The following CPT1A variants were observed in gnomAD, a reference collection of about 807,000 sequenced individuals.
CPT1A encodes the protein carnitine palmitoyltransferase 1A, also known as carnitine O-palmitoyltransferase 1, liver isoform.
CPT1A carries 64 observed loss-of-function variants against 100.8 expected under a neutral mutation model. That is an observed-to-expected ratio of 0.63 (90% CI 0.52 to 0.78). The LOEUF is 0.78. Among genes scored for constraint, CPT1A ranks in the 30% least tolerant of loss-of-function variants. The probability of loss-of-function intolerance (pLI) is 0.00; values close to 1 mark genes in which losing one functional copy is unlikely to be tolerated. For missense variants in CPT1A, 802 were observed against 1,034.1 expected (o/e 0.78, Z 3.08); for synonymous variants, 363 against 396.0 (o/e 0.92, Z 0.99).
chr11:68,768,471 T>C (rs1248231068), intron 14 of CPT1A, among the ~76,000 whole-genome samples: 1 of 151,860 alleles, frequency 6.6e-6, no homozygotes. Flanking sequence ...AGTGGCGTGG[T>C]CTTGGCGGCT....
intron 9 of CPT1A, among the ~76,000 whole-genome samples, chr11:68,786,919 A>T (rs1210118739): frequency 1.3e-5 from 2 of 152,256 alleles, no homozygotes; most frequent in Admixed American, 1.3e-4. Context: ...AACTTGGACC[A>T]AACGGCATTT....
At chr11:68,758,304 A>G (rs1946733079) in intron 18 of CPT1A, among the ~76,000 whole-genome samples, 1 of 152,176 alleles carries the variant, frequency 6.6e-6, no homozygotes, top group African/African-American at 2.4e-5. Flanking sequence ...AGAAAACCGC[A>G]GTGAACAAAT....
chr11:68,799,799 C>T (rs1000728715), intron 5 of CPT1A, among the ~76,000 whole-genome samples: 1 of 151,668 alleles, frequency 6.6e-6, no homozygotes, highest in Non-Finnish European at 1.5e-5. Context: ...CCAAGTTGGT[C>T]TTGGCAGTCC....
intron 5 of CPT1A, 93 bp downstream of exon 5, chr11:68,803,907 C>T (rs1308478633): frequency 9.8e-7 from 1 of 1,019,910 alleles, no homozygotes; most frequent in Non-Finnish European, 1.6e-6. Flanking sequence ...GCTACTTGAG[C>T]CAAATGGCGG....
chr11:68,812,291 G>A (rs1460009246), intron 3 of CPT1A, 146 bp downstream of exon 3: 2 of 1,176,478 alleles, frequency 1.7e-6, no homozygotes, highest in African/African-American at 1.5e-5. Flanking sequence ...GCACCCAGGA[G>A]ACAGGAAGAA....
At chr11:68,795,153 G>T (rs926140419) in intron 7 of CPT1A, among the ~76,000 whole-genome samples, 12 of 152,134 alleles carry the variant, frequency 7.9e-5, no homozygotes, top group African/African-American at 2.9e-4. Flanking sequence ...ATAACTATTT[G>T]CACCAAATAC....
chr11:68,778,542 A>AT (rs1347256562), intron 12 of CPT1A, among the ~76,000 whole-genome samples: 1 of 151,938 alleles, frequency 6.6e-6, no homozygotes, highest in Non-Finnish European at 1.5e-5. Context: ...ATATATATAT[A>AT]AAAATTATCC....
chr11:68,783,265 C>T (rs1466258974), intron 10 of CPT1A, among the ~76,000 whole-genome samples: 2 of 151,850 alleles, frequency 1.3e-5, no homozygotes, highest in Non-Finnish European at 2.9e-5. Context: ...CATTAACCTA[C>T]TCATGCACCC....
At chr11:68,797,803 C>A (rs912172019) in intron 6 of CPT1A, among the ~76,000 whole-genome samples, 1 of 152,116 alleles carries the variant, frequency 6.6e-6, no homozygotes, top group Non-Finnish European at 1.5e-5. Flanking sequence ...CATGATGAAA[C>A]CCCGTCTGTA....
intron 14 of CPT1A, among the ~76,000 whole-genome samples, chr11:68,764,069 C>T (rs73519134): frequency 6.6e-6 from 1 of 152,304 alleles, no homozygotes; most frequent in African/African-American, 2.4e-5. Flanking sequence ...GGCTGATGCC[C>T]CTGAGGCTGA....
intron 1 of CPT1A, among the ~76,000 whole-genome samples, chr11:68,827,988 C>A (rs577998571): frequency 6.7e-6 from 1 of 149,716 alleles, no homozygotes; most frequent in East Asian, 2.1e-4. Flanking sequence ...TTCACTGTTG[C>A]AAACAAAGAA....
intron 12 of CPT1A, among the ~76,000 whole-genome samples, chr11:68,778,084 GT>G (rs372816851): frequency 0.044 from 6,468 of 147,438 alleles, 405 homozygotes; most frequent in African/African-American, 0.14. Context: ...AGAGCACTAT[GT>G]TTTTTTTTTT....
At chr11:68,811,820 C>CT (rs1340302597) in intron 3 of CPT1A, among the ~76,000 whole-genome samples, 1 of 151,560 alleles carries the variant, frequency 6.6e-6, no homozygotes, top group South Asian at 2.1e-4. Flanking sequence ...TATCAACAGG[C>CT]GGCAGGTGGT....
rs1333750477 is a variant in CPT1A, at chr11:68,841,109, G to A, written c.-14+666C>T. ...CCGCGAGGGCGGGCATGGGGAGGGG[G>A]ACCGGGGAGACGGACGCTGGGATGG... On this transcript the variant is annotated intron_variant, in intron 1 of 18. Coordinates refer to ENST00000265641, the MANE Select transcript of CPT1A (RefSeq NM_001876.4). The surrounding 1 kb of genome is among the most constrained non-coding windows in gnomAD (Gnocchi z 6.3). Among the ~76,000 whole-genome samples the A allele has an allele frequency of 3.3e-5, 5 of 152,258 alleles. No homozygotes were observed. The highest frequency in any genetic ancestry group is 6.5e-5 in the Admixed American group (1 of 15,288).
At chr11:68,810,910 G>A (rs760199197) in intron 3 of CPT1A, among the ~76,000 whole-genome samples, 4 of 152,036 alleles carry the variant, frequency 2.6e-5, no homozygotes, top group East Asian at 3.9e-4. Context: ...GCTTGAACCC[G>A]GGAGGCGGAG....
In CPT1A at chr11:68,757,333, C is replaced by A; in HGVS notation, c.*311G>T. On this transcript the variant is annotated 3_prime_UTR_variant, in exon 19 of 19. Coordinates refer to ENST00000265641, the MANE Select transcript of CPT1A (RefSeq NM_001876.4). ...ATTTCCATTCCACTGTGTGTGAAGC[C>A]ACAACCCTACTAATTCCTTCATTAA... The A allele has an allele frequency of 8.0e-7, 1 of 1,247,918 alleles. No individual in the cohort carries two copies. The highest frequency in any genetic ancestry group is 1.0e-6 in the Non-Finnish European group (1 of 985,334). The allele number at this position is 1,247,918 out of a possible 1,614,324, so 77.3% of individuals were successfully genotyped here. A position where few individuals can be genotyped will look rare whatever the true frequency, so the allele number is the denominator to read the frequency against.
intron 9 of CPT1A, among the ~76,000 whole-genome samples, chr11:68,788,629 G>GAAAA (rs1491237097): frequency 1.6e-4 from 2 of 12,432 alleles, no homozygotes; most frequent in Non-Finnish European, 1.5e-4. Flanking sequence ...ACAAACAAAA[G>GAAAA]TAAAAAAAAA....
At chr11:68,761,279 G>A (rs918667181) in intron 16 of CPT1A, among the ~76,000 whole-genome samples, 1 of 149,954 alleles carries the variant, frequency 6.7e-6, no homozygotes, top group Middle Eastern at 3.4e-3. Flanking sequence ...AGTTACTTCC[G>A]TGCGTCTTAC....
intron 5 of CPT1A, 55 bp from the exon 6 acceptor site, chr11:68,799,410 C>A: frequency 1.9e-5 from 30 of 1,581,090 alleles, no homozygotes; most frequent in Non-Finnish European, 2.6e-5. Flanking sequence ...TTAATCAAAG[C>A]CTATGTTTGC....
Sources: allele counts gnomAD v4.1 joint callset (sites outside exome capture counted in the v4.1 genomes callset), GRCh38; gene constraint gnomAD v4.1.1; non-coding constraint Gnocchi (gnomAD v3.1); transcripts MANE v1.5; gene names NCBI Gene and HGNC (gene_info 2026-07-23, HGNC 2026-07-21).